Variants in ROBO1 observed in about 807,000 individuals in gnomAD.
ROBO1 encodes roundabout homolog 1.
ROBO1 carries 149 observed loss-of-function variants against 195.9 expected under a neutral mutation model. The observed-to-expected ratio is 0.76, with a 90% CI of 0.67 to 0.87. ROBO1 has a LOEUF of 0.87. Ranked by LOEUF, ROBO1 falls within the 40% of genes least tolerant of loss-of-function variation. The pLI, the probability that ROBO1 is intolerant of heterozygous loss-of-function variation, is 0.00. For missense variants in ROBO1, 1,933 were observed against 2,068.3 expected (o/e 0.93, Z 1.27); for synonymous variants, 816 against 733.2 (o/e 1.11, Z -1.82).
chr3:78,884,866 C>CTGTGTGTG (rs376764608), intron 4 of ROBO1, among the ~76,000 whole-genome samples: 1,856 of 147,180 alleles, frequency 0.013, 16 homozygotes, highest in Middle Eastern at 0.042. Context: ...CTCTCTCTTT[C>CTGTGTGTG]TGTGTGTGTG....
At chr3:78,700,680 G>T (rs2081398629) in intron 8 of ROBO1, among the ~76,000 whole-genome samples, 4 of 152,036 alleles carry the variant, frequency 2.6e-5, no homozygotes, top group African/African-American at 9.7e-5. Flanking sequence ...GAAAGAAAAT[G>T]AAGATTAAGT....
At chr3:79,581,724 A>C (rs576420985) in intron 2 of ROBO1, among the ~76,000 whole-genome samples, 1 of 152,284 alleles carries the variant, frequency 6.6e-6, no homozygotes, top group African/African-American at 2.4e-5. Context: ...ACACAAATTT[A>C]TACATATAAA....
At chr3:78,830,213 C>G (rs193093828) in intron 4 of ROBO1, among the ~76,000 whole-genome samples, 1 of 152,282 alleles carries the variant, frequency 6.6e-6, no homozygotes, top group Admixed American at 6.5e-5. Flanking sequence ...AAAAGGTTCA[C>G]CCCTACATTT....
intron 8 of ROBO1, among the ~76,000 whole-genome samples, chr3:78,690,300 G>T (rs975782464): frequency 1.3e-5 from 2 of 151,284 alleles, no homozygotes; most frequent in Middle Eastern, 3.2e-3. Flanking sequence ...AAAAATTGAG[G>T]TTTAGTAGAA....
chr3:79,724,675 G>A (rs1355020937), intron 1 of ROBO1, among the ~76,000 whole-genome samples: 1 of 152,198 alleles, frequency 6.6e-6, no homozygotes, highest in Non-Finnish European at 1.5e-5. Context: ...TAGCTTAAAA[G>A]TTGAGGCTTT....
At chr3:79,395,340 A>AAAAAAGAAAGAAAGAAAGAAAG (rs71631648) in intron 2 of ROBO1, among the ~76,000 whole-genome samples, 142 of 119,004 alleles carry the variant, frequency 1.2e-3, no homozygotes, top group African/African-American at 4.1e-3. Flanking sequence ...AAAAAAAAAA[A>AAAAAAGAAAGAAAGAAAGAAAG]AAAGAAAGAA....
chr3:78,739,515 T>C (rs1353465432), intron 5 of ROBO1, among the ~76,000 whole-genome samples: 1 of 152,158 alleles, frequency 6.6e-6, no homozygotes, highest in South Asian at 2.1e-4. Flanking sequence ...CTTTTCAACA[T>C]AAATCCTTCT....
intron 3 of ROBO1, among the ~76,000 whole-genome samples, chr3:79,116,320 CTTTT>C (rs996423777): frequency 1.4e-5 from 2 of 143,984 alleles, no homozygotes; most frequent in Admixed American, 1.4e-4. Context: ...CCTTCCTTTT[CTTTT>C]TCTTTTCTTT....
intron 3 of ROBO1, among the ~76,000 whole-genome samples, chr3:79,035,052 G>A (rs984729472): frequency 3.3e-5 from 5 of 152,016 alleles, no homozygotes; most frequent in Admixed American, 3.3e-4. Context: ...AGTTACTAGA[G>A]TTATGTTGAA....
chr3:79,589,218 T>C (rs1943921326), intron 2 of ROBO1, among the ~76,000 whole-genome samples: 1 of 151,684 alleles, frequency 6.6e-6, no homozygotes, highest in South Asian at 2.1e-4. Context: ...ACATTGGACC[T>C]AATTAATTCC....
intron 2 of ROBO1, among the ~76,000 whole-genome samples, chr3:79,242,887 T>A (rs2082547036): frequency 6.6e-6 from 1 of 152,018 alleles, no homozygotes; most frequent in South Asian, 2.1e-4. Context: ...AACGTGCAGG[T>A]TTGTTACATA....
chr3:79,707,791 G>A (rs1003914009), intron 1 of ROBO1, among the ~76,000 whole-genome samples: 8 of 152,026 alleles, frequency 5.3e-5, no homozygotes, highest in African/African-American at 1.9e-4. Context: ...TACAGGCGTG[G>A]GCCATCACAC....
chr3:78,988,561 T>A (rs915615351), intron 3 of ROBO1, among the ~76,000 whole-genome samples: 1 of 152,180 alleles, frequency 6.6e-6, no homozygotes, highest in Non-Finnish European at 1.5e-5. Flanking sequence ...AAGATAATCA[T>A]TGACACATTT....
intron 2 of ROBO1, among the ~76,000 whole-genome samples, chr3:79,485,587 G>A (rs1209235581): frequency 1.3e-5 from 2 of 151,938 alleles, no homozygotes; most frequent in African/African-American, 2.4e-5. Flanking sequence ...ACCCACAATC[G>A]TAATAGATAC....
At chr3:79,480,638 G>A (rs1463775794) in intron 2 of ROBO1, among the ~76,000 whole-genome samples, 1 of 152,100 alleles carries the variant, frequency 6.6e-6, no homozygotes, top group African/African-American at 2.4e-5. Context: ...GTGTGCCCAT[G>A]TTGTTGGTTT....
chr3:79,764,692 T>C (rs1263602941), intron 1 of ROBO1, among the ~76,000 whole-genome samples: 1 of 152,190 alleles, frequency 6.6e-6, no homozygotes, highest in South Asian at 2.1e-4. Flanking sequence ...AAAAGTGAGA[T>C]TTTATAGCTA....
At chr3:78,827,169 G>T (rs1001864118) in intron 4 of ROBO1, among the ~76,000 whole-genome samples, 4 of 152,156 alleles carry the variant, frequency 2.6e-5, no homozygotes, top group Admixed American at 6.5e-5. Flanking sequence ...GGTAGGAAAA[G>T]AATAAAAGAA....
At chr3:79,044,707 TA>T (rs1412987956) in intron 3 of ROBO1, among the ~76,000 whole-genome samples, 2 of 151,790 alleles carry the variant, frequency 1.3e-5, no homozygotes, top group East Asian at 1.9e-4. Context: ...CAGCTTTTTT[TA>T]AAAAAAAGTT....
chr3:78,748,518 C>T (rs1164619015), intron 4 of ROBO1, among the ~76,000 whole-genome samples: 1 of 151,948 alleles, frequency 6.6e-6, no homozygotes, highest in Non-Finnish European at 1.5e-5. Context: ...ATATTTATTA[C>T]TATAATTTTG....
Sources: gnomAD v4.1 joint callset for allele counts (sites outside exome capture counted in the v4.1 genomes callset) on GRCh38, gnomAD v4.1.1 for gene constraint, MANE v1.5 for transcripts, NCBI Gene and HGNC (gene_info 2026-07-23, HGNC 2026-07-21) for gene names.